Variants in ERC1 observed in about 807,000 individuals in gnomAD.
ERC1 encodes RAB6 interacting protein 2.
A neutral mutation model predicts 132.0 loss-of-function variants in ERC1; 56 were observed. The ratio of observed to expected loss-of-function variants is 0.42; its 90% CI spans 0.34 to 0.53. The LOEUF (loss-of-function observed/expected upper bound fraction) is 0.53. Ranked by LOEUF, ERC1 falls within the 20% of genes least tolerant of loss-of-function variation. The pLI is 0.03. For missense variants in ERC1, 1,202 were observed against 1,349.9 expected, an observed-to-expected ratio of 0.89 and a Z score of 1.72; for synonymous variants, 478 against 476.1, an observed-to-expected ratio of 1.00 and a Z score of -0.05.
rs1230821990 is a variant in ERC1, at chr12:1,141,689, G to T, written c.1639G>T (p.Asp547Tyr). The T allele has an allele frequency of 6.2e-7, 1 of 1,613,312 alleles. No homozygotes were observed. Among genetic ancestry groups the T allele is most frequent in the African/African-American group, 1.3e-5 (1 of 74,882 alleles). ...MLNKKTKQIQ[D>Y]MAEEKGTQAG... The stretch of plus-strand genomic sequence containing the variant: ...GAATAAAAAGACAAAACAAATTCAG[G>T]ATATGGCTGAAGAGAAGGGGACACA... Residue 547 changes from aspartate (D) to tyrosine (Y), a missense_variant, in exon 8 of 19, where the codon GAT (aspartate) becomes TAT (tyrosine). Asp to Tyr is a radical substitution (Grantham distance 160, BLOSUM62 -3). Coordinates refer to ENST00000360905, the MANE Select transcript of ERC1 (RefSeq NM_178040.4).
At chr12:1,281,492 G>A (rs1191154656) in intron 14 of ERC1, among the ~76,000 whole-genome samples, 2 of 152,240 alleles carry the variant, frequency 1.3e-5, no homozygotes, top group South Asian at 2.1e-4. Flanking sequence ...GCAGAAGAAA[G>A]CATAAAATGG....
At chr12:993,461 T>C (rs532164107) in intron 1 of ERC1, among the ~76,000 whole-genome samples, 1 of 152,264 alleles carries the variant, frequency 6.6e-6, no homozygotes, top group Non-Finnish European at 1.5e-5. Context: ...AAATTATGCC[T>C]ACATTTTATT....
intron 2 of ERC1, among the ~76,000 whole-genome samples, chr12:1,066,482 A>G (rs1456219720): frequency 3.3e-5 from 5 of 152,214 alleles, no homozygotes; most frequent in Non-Finnish European, 1.5e-5. Flanking sequence ...TGCTCTGGCT[A>G]TGTTGAGAGC....
intron 13 of ERC1, among the ~76,000 whole-genome samples, chr12:1,243,166 C>A (rs2154307690): frequency 6.7e-6 from 1 of 148,156 alleles, no homozygotes; most frequent in African/African-American, 2.5e-5. Context: ...CGCAGTCCGG[C>A]CTGGGCGACA....
chr12:994,816 G>A lies in ERC1; in HGVS notation c.-157+3494G>A, dbSNP rs1960449632. Among the ~76,000 whole-genome samples the A allele has an allele frequency of 5.9e-5, 9 of 151,998 alleles. No individual in the cohort carries two copies. The South Asian group carries it at 1.9e-3, about 32-fold the overall frequency. ...GTCTCTACAAAAATAAAAAAATTAG[G>A]CCGGGTGCGGTGGCTCACGCCTGTA... On this transcript the variant is annotated intron_variant, in intron 1 of 18. Transcript: ENST00000360905.
At chr12:1,020,389 G>A (rs556742732) in intron 1 of ERC1, among the ~76,000 whole-genome samples, 1 of 152,158 alleles carries the variant, frequency 6.6e-6, no homozygotes, top group East Asian at 1.9e-4. Flanking sequence ...CCTGGGAGAC[G>A]GAGGTTGCAG....
At chr12:1,423,446 A>G (rs1288384917) in intron 17 of ERC1, among the ~76,000 whole-genome samples, 1 of 152,194 alleles carries the variant, frequency 6.6e-6, no homozygotes, top group Non-Finnish European at 1.5e-5. Context: ...CATACATTGT[A>G]TTGTCTTAAT....
At chr12:1,280,381 G>A (rs973666359) in intron 14 of ERC1, among the ~76,000 whole-genome samples, 1 of 152,124 alleles carries the variant, frequency 6.6e-6, no homozygotes, top group African/African-American at 2.4e-5. Context: ...CATGTCCCAA[G>A]CCCTATTTGG....
chr12:1,225,460 A>G (rs1468265483), intron 12 of ERC1, among the ~76,000 whole-genome samples: 2 of 146,812 alleles, frequency 1.4e-5, no homozygotes, highest in African/African-American at 5.1e-5. Flanking sequence ...ACACACACAC[A>G]CACACACACA....
At chr12:1,346,014 A>G (rs1198652184) in intron 15 of ERC1, among the ~76,000 whole-genome samples, 1 of 152,106 alleles carries the variant, frequency 6.6e-6, no homozygotes, top group African/African-American at 2.4e-5. Flanking sequence ...CCATCACTGC[A>G]TCTGATGTTG....
intron 11 of ERC1, among the ~76,000 whole-genome samples, chr12:1,186,071 A>G (rs1375664156): frequency 6.6e-6 from 1 of 152,230 alleles, no homozygotes; most frequent in Non-Finnish European, 1.5e-5. Flanking sequence ...TCTCGAAAGT[A>G]CCTCTATTGC....
intron 16 of ERC1, among the ~76,000 whole-genome samples, chr12:1,401,339 A>G (rs10773943): frequency 0.51 from 77,076 of 151,946 alleles, 21,025 homozygotes; most frequent in East Asian, 0.87. Flanking sequence ...ATAGTAGTAG[A>G]AGAAGAAATG....
intron 7 of ERC1, among the ~76,000 whole-genome samples, chr12:1,140,194 T>G (rs1949735391): frequency 6.6e-6 from 1 of 152,146 alleles, no homozygotes; most frequent in African/African-American, 2.4e-5. Flanking sequence ...TGTAAGTACT[T>G]ACAGTAGTAG....
chr12:1,374,111 T>C (rs1269304633), intron 16 of ERC1, among the ~76,000 whole-genome samples: 1 of 152,190 alleles, frequency 6.6e-6, no homozygotes, highest in Non-Finnish European at 1.5e-5. Flanking sequence ...GAGAGGCCTT[T>C]TGGAAAGAGG....
chr12:1,320,922 T>G (rs962808365), intron 15 of ERC1, among the ~76,000 whole-genome samples: 2 of 152,140 alleles, frequency 1.3e-5, no homozygotes, highest in Non-Finnish European at 2.9e-5. Context: ...AGGATGGTCT[T>G]GATCTCCTGA....
chr12:1,315,639 A>G (rs1287360166), intron 15 of ERC1, among the ~76,000 whole-genome samples: 1 of 152,104 alleles, frequency 6.6e-6, no homozygotes. Context: ...ATTTTAAAAC[A>G]TGAAGTTGTG....
At chr12:1,049,721 C>T (rs995376973) in intron 2 of ERC1, among the ~76,000 whole-genome samples, 3 of 147,598 alleles carry the variant, frequency 2.0e-5, no homozygotes, top group South Asian at 2.1e-4. Context: ...CAAGTAACAT[C>T]GGATGATTTA....
chr12:1,424,906 A>ATAGATAGG (rs1555082411), intron 17 of ERC1, among the ~76,000 whole-genome samples: 5 of 150,828 alleles, frequency 3.3e-5, no homozygotes, highest in African/African-American at 1.2e-4. Flanking sequence ...AGATAGATAG[A>ATAGATAGG]TAGATAATCT....
intron 10 of ERC1, 150 bp downstream of exon 10, chr12:1,182,215 A>G: frequency 1.5e-6 from 1 of 674,036 alleles, no homozygotes; most frequent in Non-Finnish European, 2.4e-6. Flanking sequence ...CTTAAGGAAT[A>G]TTTCAGAAAG....
Sources: gnomAD v4.1 joint callset for allele counts (sites outside exome capture counted in the v4.1 genomes callset) on GRCh38, gnomAD v4.1.1 for gene constraint, MANE v1.5 for transcripts, NCBI Gene and HGNC (gene_info 2026-07-23, HGNC 2026-07-21) for gene names.